KDM7A: variants seen among roughly 807,000 people sequenced by gnomAD.
KDM7A encodes lysine demethylase 7A.
KDM7A carries 28 observed loss-of-function variants against 114.8 expected under a neutral mutation model. That is an observed-to-expected ratio of 0.24 (90% CI 0.18 to 0.33). The LOEUF is 0.33. Ranked by LOEUF, KDM7A falls within the 10% of genes least tolerant of loss-of-function variation. The pLI, the probability that KDM7A is intolerant of heterozygous loss-of-function variation, is 1.00. For missense variants in KDM7A, 942 were observed against 1,142.5 expected (o/e 0.82, Z 2.53); for synonymous variants, 423 against 397.8 (o/e 1.06, Z -0.75).
At chr7:140,108,315 G>C (rs184619957) in intron 11 of KDM7A, among the ~76,000 whole-genome samples, 1 of 152,112 alleles carries the variant, frequency 6.6e-6, no homozygotes, top group Non-Finnish European at 1.5e-5. Flanking sequence ...GCTTCGTTCC[G>C]TTGCTGACGA....
At chr7:140,126,374 A>T (rs1243180948) in intron 6 of KDM7A, among the ~76,000 whole-genome samples, 1 of 152,166 alleles carries the variant, frequency 6.6e-6, no homozygotes, top group African/African-American at 2.4e-5. Flanking sequence ...GAAGAGACAA[A>T]AGCCTAAAAG....
chr7:140,146,206 T>C (rs1794338668), intron 1 of KDM7A, among the ~76,000 whole-genome samples: 2 of 152,156 alleles, frequency 1.3e-5, no homozygotes, highest in South Asian at 4.1e-4. Context: ...AAACAGTCCA[T>C]TTAAATTAAC....
chr7:140,108,208 G>A (rs11773402), intron 11 of KDM7A, among the ~76,000 whole-genome samples: 3 of 151,986 alleles, frequency 2.0e-5, no homozygotes, highest in Non-Finnish European at 4.4e-5. Context: ...GCTTCTTTGC[G>A]ATGGGTTTGA....
At chr7:140,108,023 G>C (rs1562948389) in intron 11 of KDM7A, among the ~76,000 whole-genome samples, 2 of 151,956 alleles carry the variant, frequency 1.3e-5, no homozygotes, top group Non-Finnish European at 2.9e-5. Flanking sequence ...TCATTCATTT[G>C]ATCTTCAATC....
chr7:140,150,483 G>C (rs990593109), intron 1 of KDM7A, among the ~76,000 whole-genome samples: 4 of 152,178 alleles, frequency 2.6e-5, no homozygotes, highest in African/African-American at 7.2e-5. Flanking sequence ...ATGCAGCTCT[G>C]TAAGTAGGAA....
chr7:140,121,472 C>G (rs1818616988), intron 7 of KDM7A, among the ~76,000 whole-genome samples: 1 of 152,320 alleles, frequency 6.6e-6, no homozygotes, highest in South Asian at 2.1e-4. Context: ...CTCAAAGGCA[C>G]AAAGCCTTGA....
chr7:140,163,187 G>A (rs1359420233), intron 1 of KDM7A, among the ~76,000 whole-genome samples: 2 of 151,936 alleles, frequency 1.3e-5, no homozygotes, highest in African/African-American at 4.8e-5. Flanking sequence ...GTAGAGACGG[G>A]GTTTCACCGT....
rs1428956576 is a variant in KDM7A, at chr7:140,097,524, G to A, written c.2016+21C>T. 3.8e-6 allele frequency: 5 copies of A among 1,305,810 alleles called. No individual in the cohort carries two copies. In the Admixed American group the frequency reaches 5.6e-5, roughly 15 times the overall value. The allele number at this position is 1,305,810 out of a possible 1,614,324, so 80.9% of individuals were successfully genotyped here. A position where few individuals can be genotyped will look rare whatever the true frequency, so the allele number is the denominator to read the frequency against. ...CATCTTTCCATCAAATAACGTACAA[G>A]CCATGGGGTCTCAGGCGTACCAGTG... On this transcript the variant is annotated intron_variant, in intron 15 of 19. Coordinates refer to ENST00000397560, the MANE Select transcript of KDM7A (RefSeq NM_030647.2).
intron 1 of KDM7A, among the ~76,000 whole-genome samples, chr7:140,142,033 A>AAAGATATTTATATATCATATATATAT (rs1794288301): frequency 6.8e-6 from 1 of 146,260 alleles, no homozygotes. Flanking sequence ...TTTATATATT[A>AAAGATATTTATATATCATATATATAT]AAAAGATATT....
chr7:140,150,094 C>T (rs540322095), intron 1 of KDM7A, among the ~76,000 whole-genome samples: 134 of 152,228 alleles, frequency 8.8e-4, no homozygotes, highest in Middle Eastern at 6.8e-3. Flanking sequence ...TCCCTTAACA[C>T]TAAGGAAAGG....
At chr7:140,140,282 C>A (rs1294777510) in intron 1 of KDM7A, among the ~76,000 whole-genome samples, 1 of 152,074 alleles carries the variant, frequency 6.6e-6, no homozygotes, top group African/African-American at 2.4e-5. Context: ...AAACTTACCA[C>A]ATTATTAGAT....
chr7:140,131,327 C>G (rs1818783093), intron 3 of KDM7A, among the ~76,000 whole-genome samples: 1 of 152,172 alleles, frequency 6.6e-6, no homozygotes, highest in East Asian at 1.9e-4. Flanking sequence ...AGTTTTTAAT[C>G]TCCCAATTGC....
chr7:140,107,682 T>C (rs903382439), intron 11 of KDM7A, among the ~76,000 whole-genome samples: 3 of 152,224 alleles, frequency 2.0e-5, no homozygotes, highest in East Asian at 1.9e-4. Flanking sequence ...TAACCCGACC[T>C]TTCTCTCTGG....
chr7:140,148,549 A>C (rs1277402633), intron 1 of KDM7A, among the ~76,000 whole-genome samples: 1 of 152,222 alleles, frequency 6.6e-6, no homozygotes, highest in Non-Finnish European at 1.5e-5. Context: ...GTTGCTAGCC[A>C]GTAAAAATAA....
chr7:140,127,599 A>C lies in KDM7A; in HGVS notation c.560-16T>G. 6.2e-7 allele frequency: 1 copy of C among 1,611,092 alleles called. No individual in the cohort carries two copies. The highest frequency in any genetic ancestry group is 8.5e-7 in the Non-Finnish European group (1 of 1,177,906). On this transcript the variant is annotated splice_polypyrimidine_tract_variant and intron_variant, in intron 4 of 19. Transcript: ENST00000397560. The stretch of plus-strand genomic sequence containing the variant: ...TTGTCACCACCTGCAGAGAAAAATT[A>C]CAGTCTTATTATTGGACTTAAGAGT...
chr7:140,153,642 T>C (rs1365043647), intron 1 of KDM7A, among the ~76,000 whole-genome samples: 1 of 152,166 alleles, frequency 6.6e-6, no homozygotes, highest in Non-Finnish European at 1.5e-5. Flanking sequence ...TACAGAGAAA[T>C]GAAAAAACAG....
intron 7 of KDM7A, among the ~76,000 whole-genome samples, chr7:140,121,208 T>G (rs1005037019): frequency 1.3e-5 from 2 of 152,216 alleles, no homozygotes; most frequent in Admixed American, 1.3e-4. Context: ...AAAAATGATA[T>G]TTTGTATTCC....
Position 140,133,855 on chromosome 7 carries a change from A to C in KDM7A, c.281-199T>G, listed in dbSNP as rs142271656. Among the ~76,000 whole-genome samples, 14 of 152,316 alleles carry C rather than the reference A, an allele frequency of 9.2e-5. No homozygotes were observed. In the East Asian group the frequency reaches 2.7e-3, roughly 29 times the overall value. The stretch of plus-strand genomic sequence containing the variant: ...CAGACAATTAACTGTGGATTTTTAA[A>C]ACCTACTCTTTTTATTTCAAAACAT... On this transcript the variant is annotated intron_variant, in intron 2 of 19. Coordinates refer to ENST00000397560, the MANE Select transcript of KDM7A (RefSeq NM_030647.2).
At chr7:140,110,981 A>G (rs536895126) in intron 11 of KDM7A, 114 bp downstream of exon 11, 5 of 562,708 alleles carry the variant, frequency 8.9e-6, no homozygotes, top group Admixed American at 3.5e-5. Context: ...TCAGCTCATT[A>G]TATTTCTTCT....
Sources: gnomAD v4.1 joint callset for allele counts (sites outside exome capture counted in the v4.1 genomes callset) on GRCh38, gnomAD v4.1.1 for gene constraint, MANE v1.5 for transcripts, NCBI Gene and HGNC (gene_info 2026-07-23, HGNC 2026-07-21) for gene names.